PDZD9: variants seen among roughly 807,000 people sequenced by gnomAD.
The protein encoded by PDZD9 is PDZ domain containing 9, also known as PDZ domain-containing protein 9.
A neutral mutation model predicts 16.3 loss-of-function variants in PDZD9; 13 were observed. The observed-to-expected ratio is 0.80, with a 90% CI of 0.52 to 1.27. The LOEUF is 1.27. PDZD9 is among the 50% of genes most tolerant of loss of function. The pLI, the probability that PDZD9 is intolerant of heterozygous loss-of-function variation, is 0.00. For synonymous variants in PDZD9, 120 were observed against 111.0 expected (o/e 1.08, Z -0.51); for missense variants, 288 against 310.9 (o/e 0.93, Z 0.55).
At chr16:21,970,219 G>A in the PDZD9 span, among the ~76,000 whole-genome samples, 1 of 152,126 alleles carries the variant, frequency 6.6e-6, no homozygotes, top group Non-Finnish European at 1.5e-5. Context: ...TGGCATTTGG[G>A]TTGTTTCTAC....
chr16:21,966,893 T>C, the PDZD9 span, among the ~76,000 whole-genome samples: 21 of 152,186 alleles, frequency 1.4e-4, no homozygotes, highest in Non-Finnish European at 2.9e-4. Context: ...GGGAACTAGT[T>C]AAATAACTTA....
At chr16:21,961,243 ATAT>A in the PDZD9 span, 12 of 378,800 alleles carry the variant, frequency 3.2e-5, no homozygotes, top group Middle Eastern at 3.6e-4. Flanking sequence ...ATATCTGGTA[ATAT>A]TGAAAAACCC....
intron 2 of PDZD9, chr16:21,995,189 C>T (rs1158398379): frequency 2.2e-6 from 1 of 455,828 alleles, no homozygotes. Context: ...ACGTGTGTAG[C>T]ACCTCCCCCT....
chr16:22,001,012 G>C lies in PDZD9; in HGVS notation c.31+5C>G. 1.3e-6 allele frequency: 2 copies of C among 1,533,564 alleles called. No individual in the cohort carries two copies. The highest frequency in any genetic ancestry group is 1.7e-6 in the Non-Finnish European group (2 of 1,145,964). The allele number at this position is 1,533,564 out of a possible 1,614,324, so 95.0% of individuals were successfully genotyped here. A position where few individuals can be genotyped will look rare whatever the true frequency, so the allele number is the denominator to read the frequency against. ...TTCTTCACCCGCTTCCTTCTCCCCA[G>C]TTACCTTTTTTGTTTTTGTGGGAGG... On this transcript the variant is annotated splice_donor_5th_base_variant and intron_variant, in intron 1 of 3. Coordinates refer to ENST00000424898, the MANE Select transcript of PDZD9 (RefSeq NM_001363519.1).
Position 21,984,336 on chromosome 16 carries a change from A to T in PDZD9, c.726T>A (p.Asp242Glu). 6.2e-7 allele frequency: 1 copy of T among 1,614,134 alleles called. No individual in the cohort carries two copies. The highest frequency in any genetic ancestry group is 8.5e-7 in the Non-Finnish European group (1 of 1,179,996). The change falls in exon 4 of 4, where the codon GAT becomes GAA. Residue 242 changes from aspartate (D) to glutamate (E), a missense_variant. By Grantham distance (45) the Asp-to-Glu change is conservative. Coordinates refer to ENST00000424898, the MANE Select transcript of PDZD9 (RefSeq NM_001363519.1). Reference protein sequence around the residue: ...SSSSSTSSTSDAFWLEDCAQV... With the variant: ...SSSSSTSSTSEAFWLEDCAQV... The stretch of plus-strand genomic sequence containing the variant: ...GGGCACAATCTTCCAGCCAAAATGC[A>T]TCTGAGGTAGAGGAGGTAGAGGAGG...
At chr16:21,973,613 G>A in the PDZD9 span, among the ~76,000 whole-genome samples, 1 of 152,150 alleles carries the variant, frequency 6.6e-6, no homozygotes, top group South Asian at 2.1e-4. Flanking sequence ...ATTAGTGTTT[G>A]CATAAACCTT....
the PDZD9 span, among the ~76,000 whole-genome samples, chr16:21,959,032 T>TA: frequency 6.6e-6 from 1 of 152,240 alleles, no homozygotes; most frequent in African/African-American, 2.4e-5. Flanking sequence ...TGTTAACAGT[T>TA]ATCTGAATCT....
chr16:21,990,218 C>G (rs1898989721), intron 2 of PDZD9, among the ~76,000 whole-genome samples: 1 of 152,154 alleles, frequency 6.6e-6, no homozygotes, highest in South Asian at 2.1e-4. Flanking sequence ...TTTTTAAGGA[C>G]CAGCTCACAT....
the PDZD9 span, among the ~76,000 whole-genome samples, chr16:21,968,000 C>CTTT: frequency 2.9e-5 from 4 of 137,106 alleles, no homozygotes; most frequent in African/African-American, 5.3e-5. Context: ...CTTTTTATTC[C>CTTT]TTTTTTTTTT....
At chr16:21,969,189 G>A in the PDZD9 span, among the ~76,000 whole-genome samples, 2 of 152,198 alleles carry the variant, frequency 1.3e-5, no homozygotes, top group South Asian at 2.1e-4. Context: ...CAAATTGTTA[G>A]TAGGAATATA....
the PDZD9 span, among the ~76,000 whole-genome samples, chr16:21,958,088 TG>T: frequency 2.0e-5 from 3 of 152,080 alleles, no homozygotes; most frequent in African/African-American, 4.8e-5. Flanking sequence ...GACATAAATT[TG>T]GGGGGGAACA....
chr16:21,962,336 T>A, the PDZD9 span: 4 of 1,144,612 alleles, frequency 3.5e-6, no homozygotes, highest in Non-Finnish European at 3.7e-6. Flanking sequence ...TTTTGTTATA[T>A]TATTGTTCGC....
chr16:21,999,527 C>T (rs576378478), intron 1 of PDZD9: 7 of 152,380 alleles, frequency 4.6e-5, no homozygotes, highest in African/African-American at 1.7e-4. Flanking sequence ...TGACAACAGC[C>T]CTGCAGTGAA....
the PDZD9 span, among the ~76,000 whole-genome samples, chr16:21,963,565 G>A: frequency 6.6e-6 from 1 of 152,158 alleles, no homozygotes; most frequent in East Asian, 1.9e-4. Flanking sequence ...CTGGACTCAG[G>A]TGATCCTCCT....
the PDZD9 span, among the ~76,000 whole-genome samples, chr16:21,972,979 A>C: frequency 6.6e-6 from 1 of 152,226 alleles, no homozygotes; most frequent in African/African-American, 2.4e-5. Flanking sequence ...GCACGCCTGT[A>C]GTCCCAGCTA....
chr16:21,996,072 G>A (rs1406445866), intron 2 of PDZD9, among the ~76,000 whole-genome samples: 2 of 152,178 alleles, frequency 1.3e-5, no homozygotes, highest in Non-Finnish European at 2.9e-5. Flanking sequence ...TTACAGGCAT[G>A]AGCCACTGCT....
intron 2 of PDZD9, among the ~76,000 whole-genome samples, 193 bp downstream of exon 2, chr16:21,996,129 T>A (rs1440886424): frequency 2.0e-5 from 3 of 152,174 alleles, no homozygotes. Context: ...TTTACCATGT[T>A]GGCCAGGCTG....
intron 3 of PDZD9, among the ~76,000 whole-genome samples, chr16:21,988,098 C>T (rs770997000): frequency 1.8e-4 from 26 of 148,256 alleles, no homozygotes; most frequent in Non-Finnish European, 3.1e-4. Context: ...ACCTCCGACT[C>T]CCTGATTCGA....
chr16:21,977,889 C>T, the PDZD9 span, among the ~76,000 whole-genome samples: 1 of 152,156 alleles, frequency 6.6e-6, no homozygotes, highest in African/African-American at 2.4e-5. Flanking sequence ...ATAAGTACAA[C>T]ACAATTTATT....
Sources: gnomAD v4.1 joint callset for allele counts (sites outside exome capture counted in the v4.1 genomes callset) on GRCh38, gnomAD v4.1.1 for gene constraint, MANE v1.5 for transcripts, NCBI Gene and HGNC (gene_info 2026-07-23, HGNC 2026-07-21) for gene names.